The following DEUP1 variants were observed in gnomAD, a reference collection of about 807,000 sequenced individuals.
DEUP1 encodes the protein deuterosome assembly protein 1.
A neutral mutation model predicts 87.4 loss-of-function variants in DEUP1; 82 were observed. The ratio of observed to expected loss-of-function variants is 0.94; its 90% confidence interval spans 0.78 to 1.13. The LOEUF is 1.13. Ranked by LOEUF, DEUP1 falls within the 50% of genes most tolerant of loss-of-function variation. DEUP1 has a pLI of 0.00. For synonymous variants in DEUP1, 214 were observed against 222.7 expected, an observed-to-expected ratio of 0.96 and a Z score of 0.35; for missense variants, 663 against 681.5, an observed-to-expected ratio of 0.97 and a Z score of 0.30.
chr11:93,347,087 G>C (rs1944386211), intron 2 of DEUP1, among the ~76,000 whole-genome samples: 1 of 152,148 alleles, frequency 6.6e-6, no homozygotes, highest in South Asian at 2.1e-4. Context: ...ATGTTGAATA[G>C]GAGTGGTGGG....
At chr11:93,362,703 C>G (rs1483833364) in intron 4 of DEUP1, among the ~76,000 whole-genome samples, 1 of 151,640 alleles carries the variant, frequency 6.6e-6, no homozygotes, top group African/African-American at 2.4e-5. Flanking sequence ...TAGGTATATA[C>G]CCAAGAGAAA....
intron 4 of DEUP1, among the ~76,000 whole-genome samples, chr11:93,358,230 T>C (rs758776713): frequency 2.6e-5 from 4 of 152,210 alleles, no homozygotes; most frequent in Non-Finnish European, 4.4e-5. Flanking sequence ...TTCATCGTGT[T>C]AAAAAGTTCT....
intron 13 of DEUP1, among the ~76,000 whole-genome samples, chr11:93,432,960 T>G (rs1454451124): frequency 6.6e-6 from 1 of 152,158 alleles, no homozygotes; most frequent in African/African-American, 2.4e-5. Context: ...TTTTAACTTC[T>G]TTTTTTCCTT....
chr11:93,398,968 CA>C (rs1947028392), intron 11 of DEUP1, among the ~76,000 whole-genome samples: 1 of 152,090 alleles, frequency 6.6e-6, no homozygotes. Flanking sequence ...AGTGATCCAC[CA>C]GCCTTGGCCT....
intron 1 of DEUP1, among the ~76,000 whole-genome samples, chr11:93,331,595 G>A (rs1943484664): frequency 6.6e-6 from 1 of 152,164 alleles, no homozygotes; most frequent in African/African-American, 2.4e-5. Flanking sequence ...AGAATAGAAA[G>A]TTTGAGAACA....
intron 11 of DEUP1, among the ~76,000 whole-genome samples, chr11:93,407,184 A>C (rs1464349487): frequency 1.3e-5 from 2 of 150,720 alleles, no homozygotes; most frequent in African/African-American, 4.9e-5. Flanking sequence ...TGTATAAGGA[A>C]ATCAACACAG....
At chr11:93,371,428 G>A (rs72643374) in intron 7 of DEUP1, 148 bp downstream of exon 7, 80,359 of 869,004 alleles carry the variant, frequency 0.092, 4,378 homozygotes, top group South Asian at 0.14. Flanking sequence ...ATTCGCACTT[G>A]ATGCGTAGAT....
chr11:93,406,208 C>T (rs1170724008), intron 11 of DEUP1, among the ~76,000 whole-genome samples: 3 of 151,884 alleles, frequency 2.0e-5, no homozygotes, highest in Non-Finnish European at 4.4e-5. Context: ...TCTGAGGACA[C>T]ACTAAAATTG....
In DEUP1 at chr11:93,357,025, A is replaced by G. The variant is rs746744047; in HGVS notation, c.279A>G (p.Leu93=). 5 of 1,586,262 alleles carry G rather than the reference A, an allele frequency of 3.2e-6. No homozygotes were observed. The highest frequency in any genetic ancestry group is 1.8e-5 in the Admixed American group (1 of 56,602). Residue 93 remains leucine, a synonymous_variant, in exon 4 of 14, where the codon CTA becomes CTG. Transcript: ENST00000298050. ...LAMTQNYEGQ[L]QSLKAQFSKL... is the part of the protein sequence containing the mutation. ...TGACTCAGAATTATGAAGGACAACT[A>G]CAAAGCCTAAAGGCTCAAGTAAGAA...
intron 5 of DEUP1, among the ~76,000 whole-genome samples, chr11:93,369,008 C>A (rs1255146250): frequency 1.3e-5 from 2 of 152,028 alleles, no homozygotes; most frequent in East Asian, 3.9e-4. Flanking sequence ...CACACACACT[C>A]GGGATCACAA....
At chr11:93,359,626 T>C (rs1945066865) in intron 4 of DEUP1, among the ~76,000 whole-genome samples, 1 of 151,932 alleles carries the variant, frequency 6.6e-6, no homozygotes, top group Non-Finnish European at 1.5e-5. Flanking sequence ...TGCCAATGGG[T>C]GCAAACAAAC....
At chr11:93,416,576 T>C (rs1947639137) in intron 13 of DEUP1, among the ~76,000 whole-genome samples, 1 of 151,708 alleles carries the variant, frequency 6.6e-6, no homozygotes, top group Non-Finnish European at 1.5e-5. Context: ...CCAGATGGAT[T>C]CACAGCCAAA....
chr11:93,364,343 T>C (rs763068762), intron 5 of DEUP1, 49 bp downstream of exon 5: 5 of 1,533,754 alleles, frequency 3.3e-6, no homozygotes, highest in Middle Eastern at 1.7e-4. Flanking sequence ...GATTGATTCC[T>C]ATTGTTGTGG....
At chr11:93,409,823 T>C (rs1387146158) in intron 12 of DEUP1, among the ~76,000 whole-genome samples, 1 of 152,206 alleles carries the variant, frequency 6.6e-6, no homozygotes, top group African/African-American at 2.4e-5. Context: ...CAACTTGTAG[T>C]TCCATAAATG....
intron 10 of DEUP1, among the ~76,000 whole-genome samples, chr11:93,395,041 ACCCCTC>A: frequency 6.6e-6 from 1 of 151,802 alleles, no homozygotes; most frequent in African/African-American, 2.4e-5. Flanking sequence ...AACACTTCCT[ACCCCTC>A]CCCCACACTT....
chr11:93,333,821 C>A (rs2134868290), intron 2 of DEUP1, among the ~76,000 whole-genome samples: 1 of 152,280 alleles, frequency 6.6e-6, no homozygotes. Context: ...CAGGGAGCAG[C>A]CTGCCTGGTA....
At chr11:93,396,169 G>A in intron 10 of DEUP1, 70 bp from the exon 11 acceptor site, 1 of 962,592 alleles carries the variant, frequency 1.0e-6, no homozygotes, top group Non-Finnish European at 1.6e-6. Context: ...GTATTCACAA[G>A]ACAAAATTTT....
At chr11:93,394,377 G>C in intron 9 of DEUP1, 82 bp from the exon 10 acceptor site, 1 of 1,002,874 alleles carries the variant, frequency 1.0e-6, no homozygotes, top group South Asian at 2.0e-5. Context: ...CAGAATAGAA[G>C]GACTGAACAT....
intron 12 of DEUP1, among the ~76,000 whole-genome samples, chr11:93,414,191 T>A (rs1947531316): frequency 6.6e-6 from 1 of 152,158 alleles, no homozygotes; most frequent in Non-Finnish European, 1.5e-5. Flanking sequence ...TTTTAAATTA[T>A]CAAAATCTAT....
Sources: allele counts gnomAD v4.1 joint callset (sites outside exome capture counted in the v4.1 genomes callset), GRCh38; gene constraint gnomAD v4.1.1; transcripts MANE v1.5; gene names NCBI Gene and HGNC (gene_info 2026-07-23, HGNC 2026-07-21).